The following KRT84 variants were observed in gnomAD, a reference collection of about 807,000 sequenced individuals.
KRT84 encodes keratin 84.
KRT84 carries 38 observed loss-of-function variants against 49.0 expected under a neutral mutation model. That is an observed-to-expected ratio of 0.78 (90% CI 0.60 to 1.02). The LOEUF (loss-of-function observed/expected upper bound fraction) is 1.02. Ranked by LOEUF, KRT84 falls within the 50% of genes least tolerant of loss-of-function variation. The pLI is 0.00. For missense variants in KRT84, 860 were observed against 788.6 expected (o/e 1.09, Z -1.08); for synonymous variants, 334 against 312.8 (o/e 1.07, Z -0.72).
intron 1 of KRT84, 24 bp from the exon 2 acceptor site, chr12:52,383,822 G>T: frequency 6.3e-7 from 1 of 1,590,862 alleles, no homozygotes; most frequent in Non-Finnish European, 8.6e-7. Context: ...GCACAGAAAT[G>T]GCATTTGAAG....
chr12:52,378,405 A>T, intron 8 of KRT84, 25 bp from the exon 9 acceptor site: 1 of 1,434,684 alleles, frequency 7.0e-7, no homozygotes, highest in Non-Finnish European at 9.1e-7. Flanking sequence ...AGCATCAGGG[A>T]GGCTGCCGAC....
chr12:52,380,050 G>T, intron 7 of KRT84, 143 bp from the exon 8 acceptor site: 1 of 739,762 alleles, frequency 1.4e-6, no homozygotes, highest in Non-Finnish European at 2.2e-6. Context: ...GGGGAGCGTT[G>T]AAAAACACGT....
In KRT84 at chr12:52,385,567, G is replaced by C. The variant is rs144389852; in HGVS notation, c.19C>G (p.Arg7Gly). The part of the protein sequence containing the change: MSCRSY[R>G]VSSGHRVGNF... ...CCCACCCGGTGACCAGAGCTGACTC[G>C]GTAGGAGCGGCAAGACATGATGGCT... The change falls in exon 1 of 9, where the codon CGA (arginine) becomes GGA (glycine). Residue 7 changes from arginine to glycine, a missense_variant. By Grantham distance (125) the Arg-to-Gly change is moderately radical. Transcript: ENST00000257951. 2 of 1,613,292 alleles carry C rather than the reference G, an allele frequency of 1.2e-6. No homozygotes were observed. The highest frequency in any genetic ancestry group is 1.3e-5 in the African/African-American group (1 of 74,918).
Position 52,385,497 on chromosome 12 carries a change from C to A in KRT84, c.89G>T (p.Arg30Leu). The stretch of plus-strand genomic sequence containing the variant: ...ACAGGAGACAGAGTTGGCCCGGAAG[C>A]GATTCAGGTTCTGTGGTGTCATTGC... ...CSAMTPQNLN[R>L]FRANSVSCWS... The change falls in exon 1 of 9, where the codon CGC (arginine) becomes CTC (leucine). Residue 30 changes from arginine to leucine, a missense_variant. Physicochemically the swap from Arg to Leu is moderately radical, Grantham distance 102 (BLOSUM62 -2). Coordinates refer to ENST00000257951, the MANE Select transcript of KRT84 (RefSeq NM_033045.4). 6.2e-7 allele frequency: 1 copy of A among 1,614,216 alleles called. No individual in the cohort carries two copies. Among genetic ancestry groups the A allele is most frequent in the Non-Finnish European group, 8.5e-7 (1 of 1,180,046 alleles).
At position 52,378,220 on chromosome 12, in the gene KRT84, G is replaced by C. The variant is rs767683700; in HGVS notation, c.1617C>G (p.Val539=). 2 of 1,569,268 alleles carry C rather than the reference G, an allele frequency of 1.3e-6. No individual in the cohort carries two copies. The highest frequency in any genetic ancestry group is 2.4e-5 in the South Asian group (2 of 85,060). Residue 539 remains valine (V), a synonymous_variant, in exon 9 of 9, where the codon GTC becomes GTG. Coordinates refer to ENST00000257951, the MANE Select transcript of KRT84 (RefSeq NM_033045.4). ...TCAGCAGGTCCCCAGTGGCCGGGGCGACCCGGGCTCCACCCAGGCTGGGGC... is the reference window on the plus strand; with the variant it reads ...TCAGCAGGTCCCCAGTGGCCGGGGCCACCCGGGCTCCACCCAGGCTGGGGC... ...SCGPSLGGAR[V]APATGDLLST...
chr12:52,378,237 G>A lies in KRT84; in HGVS notation c.1600C>T (p.Leu534=), dbSNP rs1447548781. ...SGVLASCGPS[L]GGARVAPATG... is the part of the protein sequence containing the mutation. ...GCCGGGGCGACCCGGGCTCCACCCAGGCTGGGGCCACAGGAAGCCAGGACC... is the reference window on the plus strand; with the variant it reads ...GCCGGGGCGACCCGGGCTCCACCCAAGCTGGGGCCACAGGAAGCCAGGACC... The change falls in exon 9 of 9, where the codon CTG becomes TTG. Residue 534 remains leucine, a synonymous_variant. Transcript: ENST00000257951. 1 of 1,565,546 alleles carries A rather than the reference G, an allele frequency of 6.4e-7. No homozygotes were observed. The highest frequency in any genetic ancestry group is 1.4e-5 in the African/African-American group (1 of 74,060).
upstream of KRT84, among the ~76,000 whole-genome samples, chr12:52,386,274 C>G (rs1249411096): frequency 1.3e-5 from 2 of 152,124 alleles, no homozygotes; most frequent in Non-Finnish European, 2.9e-5. Flanking sequence ...CAGAGATATT[C>G]ATTCATTCTA....
Position 52,385,093 on chromosome 12 carries a change from C to T in KRT84, c.493G>A (p.Glu165Lys), listed in dbSNP as rs368873775. 8 of 1,604,952 alleles carry T rather than the reference C, an allele frequency of 5.0e-6. No homozygotes were observed. Among genetic ancestry groups the T allele is most frequent in the Non-Finnish European group, 6.8e-6 (8 of 1,175,734 alleles). The change falls in exon 1 of 9, where the codon GAG becomes AAG. Residue 165 changes from glutamate (E) to lysine (K), a missense_variant. Glu to Lys is a moderately conservative substitution (Grantham distance 56). Transcript: ENST00000257951. ...DPNAQRVKKD[E>K]KEQIKTLNNK... ...TTGAGGGTCTTGATTTGCTCCTTCT[C>T]ATCCTTCTTCACCCTCTGGGCATTG...
intron 3 of KRT84, among the ~76,000 whole-genome samples, 198 bp from the exon 4 acceptor site, chr12:52,382,730 G>A (rs61915730): frequency 8.5e-5 from 13 of 152,090 alleles, no homozygotes; most frequent in Non-Finnish European, 1.3e-4. Context: ...GACATTTCCT[G>A]ATGTTCAGTT....
intron 1 of KRT84, among the ~76,000 whole-genome samples, 200 bp downstream of exon 1, chr12:52,384,840 G>A (rs1343904554): frequency 6.6e-6 from 1 of 152,144 alleles, no homozygotes; most frequent in Admixed American, 6.5e-5. Context: ...ATCCCACCAT[G>A]CAGCTCGTCC....
intron 3 of KRT84, 121 bp downstream of exon 3, chr12:52,382,884 C>T: frequency 2.6e-6 from 2 of 781,998 alleles, no homozygotes; most frequent in Non-Finnish European, 4.5e-6. Flanking sequence ...TCCACTGTCT[C>T]CACTGTCTTG....
At chr12:52,378,458 C>T (rs970242682) in intron 8 of KRT84, 78 bp from the exon 9 acceptor site, 16 of 1,191,274 alleles carry the variant, frequency 1.3e-5, no homozygotes, top group South Asian at 6.9e-5. Context: ...GCTGCACCTC[C>T]GGGTCTGGTG....
At chr12:52,381,581 A>T in intron 4 of KRT84, 56 bp from the exon 5 acceptor site, 3 of 1,567,094 alleles carry the variant, frequency 1.9e-6, no homozygotes, top group Non-Finnish European at 1.7e-6. Flanking sequence ...AGTAGCTGGG[A>T]CTCTGCCACA....
chr12:52,378,366 G>C lies in KRT84; in HGVS notation c.1471C>G (p.Arg491Gly). The C allele has an allele frequency of 6.8e-7, 1 of 1,467,940 alleles. No homozygotes were observed. Among genetic ancestry groups the C allele is most frequent in the Non-Finnish European group, 9.0e-7 (1 of 1,113,162 alleles). The allele number at this position is 1,467,940 out of a possible 1,614,324, so 90.9% of individuals were successfully genotyped here. ...TCAGGCCCGCACACCAGGCCGCCCC[G>C]GGAGCTGCTGACGGCTGCGGAGAAA... ...GPVNISVSSS[R>G]GGLVCGPEPL... Residue 491 changes from arginine (R) to glycine (G), a missense_variant, in exon 9 of 9, where the codon CGG becomes GGG. Physicochemically the swap from Arg to Gly is moderately radical, Grantham distance 125. Coordinates refer to ENST00000257951, the MANE Select transcript of KRT84 (RefSeq NM_033045.4).
chr12:52,378,379 G>GGCT lies in KRT84; in HGVS notation c.1457-2_1457dup (p.Ser486_Val487insAla), dbSNP rs1939424213. The stretch of plus-strand genomic sequence containing the variant: ...CCAGGCCGCCCCGGGAGCTGCTGAC[G>GGCT]GCTGCGGAGAAAGAAAGCATCAGGG... On this transcript the variant is annotated inframe_insertion and splice_region_variant, in exon 9 of 9. Transcript: ENST00000257951. 6.9e-7 allele frequency: 1 copy of GGCT among 1,455,614 alleles called. No homozygotes were observed. Among genetic ancestry groups the GGCT allele is most frequent in the Non-Finnish European group, 9.0e-7 (1 of 1,106,994 alleles). 90.2% of individuals were successfully genotyped at this position (1,455,614 alleles called of 1,614,324 possible).
Position 52,377,959 on chromosome 12 carries a change from C to T in KRT84, c.*75G>A, listed in dbSNP as rs977441784. 1 of 1,211,902 alleles carries T rather than the reference C, an allele frequency of 8.3e-7. No homozygotes were observed. Among genetic ancestry groups the T allele is most frequent in the Non-Finnish European group, 1.1e-6 (1 of 915,032 alleles). The allele number at this position is 1,211,902 out of a possible 1,614,324, so 75.1% of individuals were successfully genotyped here. A position where few individuals can be genotyped will look rare whatever the true frequency, so the allele number is the denominator to read the frequency against. ...GCTGGAGACCGTCAAGCCCAGAGCC[C>T]ACGAACCCTGGGGGCAGAAGCAGGA... On this transcript the variant is annotated 3_prime_UTR_variant, in exon 9 of 9. Transcript: ENST00000257951.
intron 1 of KRT84, among the ~76,000 whole-genome samples, chr12:52,384,068 A>G (rs948261823): frequency 1.3e-5 from 2 of 152,204 alleles, no homozygotes; most frequent in African/African-American, 2.4e-5. Context: ...AAAGCTGTAC[A>G]CTGGTACATC....
rs1276318314 is a variant in KRT84 at position 52,385,372 on chromosome 12, G to C, written c.214C>G (p.Pro72Ala). 5 of 1,614,182 alleles carry C rather than the reference G, an allele frequency of 3.1e-6. No homozygotes were observed. Among genetic ancestry groups the C allele is most frequent in the African/African-American group, 1.3e-5 (1 of 75,048 alleles). ...SPRIAAVGSR[P>A]IHCGVRFGAG... is the part of the protein sequence containing the mutation. The stretch of plus-strand genomic sequence containing the variant: ...CCAAAGCGGACTCCACAGTGGATGG[G>C]CCGAGAGCCTACAGCTGCTATCCGG... Residue 72 changes from proline (P) to alanine (A), a missense_variant, in exon 1 of 9, where the codon CCC becomes GCC. Transcript: ENST00000257951.
In KRT84 at chr12:52,385,403, G is replaced by T. The variant is rs1939557569; in HGVS notation, c.183C>A (p.Tyr61Ter). 5 of 1,614,158 alleles carry T rather than the reference G, an allele frequency of 3.1e-6. No individual in the cohort carries two copies. Among genetic ancestry groups the T allele is most frequent in the Non-Finnish European group, 2.5e-6 (3 of 1,180,028 alleles). ...AGCCTACAGCTGCTATCCGGGGTGAGTACGATCCAAAGGTGATGACACTCC... is the reference window on the plus strand; with the variant it reads ...AGCCTACAGCTGCTATCCGGGGTGATTACGATCCAAAGGTGATGACACTCC... ...GSRSVITFGS[Y>*]SPRIAAVGSR... The change falls in exon 1 of 9, where the codon TAC becomes TAA. Residue 61 changes from tyrosine (Y) to a stop codon, truncating the protein, a stop_gained. Transcript: ENST00000257951. LOFTEE classifies it high-confidence loss of function.
Sources: gnomAD v4.1 joint callset for allele counts (sites outside exome capture counted in the v4.1 genomes callset) on GRCh38, gnomAD v4.1.1 for gene constraint, MANE v1.5 for transcripts, NCBI Gene and HGNC (gene_info 2026-07-23, HGNC 2026-07-21) for gene names.